The following SPMIP5 variants were observed in gnomAD, a reference collection of about 807,000 sequenced individuals.
SPMIP5 encodes sperm-associated microtubule inner protein 5.
chr10:116,664,177 G>T, the SPMIP5 span: 1 of 1,614,104 alleles, frequency 6.2e-7, no homozygotes. Context: ...TCCTCACCTG[G>T]AATAGAAAAA....
chr10:116,664,083 G>A, the SPMIP5 span: 1 of 1,612,246 alleles, frequency 6.2e-7, no homozygotes, highest in South Asian at 1.1e-5. Context: ...TGAGTTGCAG[G>A]GAGCTGGCCC....
the SPMIP5 span, chr10:116,664,741 C>A: frequency 1.2e-6 from 2 of 1,610,416 alleles, no homozygotes; most frequent in Non-Finnish European, 1.7e-6. Context: ...GCCTGGGGTA[C>A]GGACCCAAGC....
chr10:116,663,974 G>C, the SPMIP5 span: 2 of 1,540,308 alleles, frequency 1.3e-6, no homozygotes, highest in Non-Finnish European at 8.7e-7. Context: ...GGTATACTTG[G>C]CCTCTGAGCA....
At chr10:116,668,490 T>C in the SPMIP5 span, among the ~76,000 whole-genome samples, 1 of 152,138 alleles carries the variant, frequency 6.6e-6, no homozygotes, top group Non-Finnish European at 1.5e-5. Flanking sequence ...ACAGCTGGCT[T>C]CAGTCACAAA....
At chr10:116,667,607 T>C in the SPMIP5 span, among the ~76,000 whole-genome samples, 1 of 152,180 alleles carries the variant, frequency 6.6e-6, no homozygotes, top group Non-Finnish European at 1.5e-5. Context: ...AACGGCTGTA[T>C]GGGAGAGCCA....
the SPMIP5 span, among the ~76,000 whole-genome samples, chr10:116,663,005 A>G: frequency 6.6e-6 from 1 of 151,898 alleles, no homozygotes; most frequent in Non-Finnish European, 1.5e-5. Context: ...ACACAGTGAA[A>G]CCCCATCTCT....
chr10:116,666,281 G>A, the SPMIP5 span, among the ~76,000 whole-genome samples: 1 of 152,064 alleles, frequency 6.6e-6, no homozygotes, highest in South Asian at 2.1e-4. Context: ...TAAAAGTAGA[G>A]CCCTGTTACA....
At chr10:116,667,340 G>T in the SPMIP5 span, among the ~76,000 whole-genome samples, 3 of 152,214 alleles carry the variant, frequency 2.0e-5, no homozygotes, top group African/African-American at 7.2e-5. Context: ...AGAACTGTGA[G>T]GGAATGCATT....
chr10:116,667,857 T>G, the SPMIP5 span, among the ~76,000 whole-genome samples: 1 of 152,192 alleles, frequency 6.6e-6, no homozygotes, highest in Non-Finnish European at 1.5e-5. Flanking sequence ...CTTTAGGGGA[T>G]GCAGGAAAGG....
the SPMIP5 span, chr10:116,665,244 A>C: frequency 1.7e-6 from 1 of 588,442 alleles, no homozygotes; most frequent in Non-Finnish European, 2.4e-6. Context: ...TAAAAATACA[A>C]AAATTAGCCA....
At chr10:116,668,268 T>C in the SPMIP5 span, 27,603 of 1,613,814 alleles carry the variant, frequency 0.017, 1,486 homozygotes, top group African/African-American at 0.16. Flanking sequence ...CGCTATAGCC[T>C]GGTGTGATTG....
the SPMIP5 span, chr10:116,668,241 GGTAC>G: frequency 6.2e-7 from 1 of 1,611,122 alleles, no homozygotes; most frequent in Non-Finnish European, 8.5e-7. Context: ...ACAGCTGCAG[GGTAC>G]GTCCACACTT....
At chr10:116,665,225 C>G in the SPMIP5 span, 9 of 710,550 alleles carry the variant, frequency 1.3e-5, no homozygotes, top group Non-Finnish European at 1.7e-5. Context: ...GGTGAAACCC[C>G]GTCTCTACTA....
At chr10:116,665,404 CAA>C in the SPMIP5 span, 11,009 of 279,374 alleles carry the variant, frequency 0.039, no homozygotes, top group South Asian at 0.054. Flanking sequence ...GACTCCGTCT[CAA>C]AAAAAAAAAA....
chr10:116,664,711 A>C, the SPMIP5 span: 1 of 1,592,422 alleles, frequency 6.3e-7, no homozygotes, highest in Admixed American at 1.7e-5. Context: ...CTGGGTTTGC[A>C]CTTCTCCCTT....
the SPMIP5 span, chr10:116,665,599 C>T: frequency 1.6e-5 from 25 of 1,607,268 alleles, no homozygotes; most frequent in East Asian, 6.7e-5. Flanking sequence ...GGTTTCAGGG[C>T]GCTGCTACCC....
the SPMIP5 span, chr10:116,663,684 G>A: frequency 1.9e-6 from 1 of 521,544 alleles, no homozygotes; most frequent in Admixed American, 3.7e-5. Context: ...ACCCGCACAA[G>A]AAACTTTAGC....
At chr10:116,668,908 T>A in the SPMIP5 span, among the ~76,000 whole-genome samples, 1 of 113,318 alleles carries the variant, frequency 8.8e-6, no homozygotes, top group Non-Finnish European at 1.8e-5. Context: ...CTCAGAAGCC[T>A]CCCCCCACCC....
the SPMIP5 span, chr10:116,664,301 T>C: frequency 6.8e-7 from 1 of 1,469,868 alleles, no homozygotes; most frequent in Non-Finnish European, 9.3e-7. Context: ...CACAAAGTTA[T>C]GGACCTTTTA....
Sources: allele counts gnomAD v4.1 joint callset (sites outside exome capture counted in the v4.1 genomes callset), GRCh38; gene constraint gnomAD v4.1.1; transcripts MANE v1.5; gene names NCBI Gene and HGNC (gene_info 2026-07-23, HGNC 2026-07-21).